Variants in SHOC1 observed in about 807,000 individuals in gnomAD.
SHOC1 encodes the protein shortage in chiasmata 1.
In SHOC1, 136 loss-of-function variants were observed where a neutral mutation model predicts 179.2. The ratio of observed to expected loss-of-function variants is 0.76; its 90% CI spans 0.66 to 0.87. SHOC1 has a LOEUF of 0.87. Ranked by LOEUF, SHOC1 falls within the 40% of genes least tolerant of loss-of-function variation. SHOC1 has a pLI of 0.00. For missense variants in SHOC1, 1,538 were observed against 1,700.8 expected, an observed-to-expected ratio of 0.90 and a Z score of 1.68; for synonymous variants, 489 against 586.6, an observed-to-expected ratio of 0.83 and a Z score of 2.41.
At chr9:111,776,701 G>A (rs1412877278) in intron 4 of SHOC1, among the ~76,000 whole-genome samples, 1 of 152,206 alleles carries the variant, frequency 6.6e-6, no homozygotes, top group African/African-American at 2.4e-5. Context: ...TTAGGCCACA[G>A]CTTGGAATTG....
rs372181914 is a variant in SHOC1 at position 111,759,833 on chromosome 9, TC to T, written c.443-986del. Among the ~76,000 whole-genome samples, 864 of 152,268 alleles carry T rather than the reference TC, an allele frequency of 5.7e-3. 12 individuals carry two copies. Among genetic ancestry groups the T allele is most frequent in the African/African-American group, 0.019 (798 of 41,560 alleles). ...TTGGTATGCAGGCAGCAAGGGAACA[TC>T]CCTTTGCTTGGTGCTAACTTGATAT... On this transcript the variant is annotated intron_variant, in intron 5 of 27. Transcript: ENST00000682961.
At chr9:111,710,435 T>A (rs1235623498) in intron 18 of SHOC1, among the ~76,000 whole-genome samples, 1 of 152,194 alleles carries the variant, frequency 6.6e-6, no homozygotes, top group Non-Finnish European at 1.5e-5. Flanking sequence ...ATATTTCGGT[T>A]CAGTCTTTTT....
At chr9:111,748,657 C>T (rs1446942547) in intron 8 of SHOC1, among the ~76,000 whole-genome samples, 1 of 152,048 alleles carries the variant, frequency 6.6e-6, no homozygotes, top group East Asian at 1.9e-4. Flanking sequence ...TCCCTCCCTC[C>T]CTCTCTTCCT....
chr9:111,713,551 T>A (rs1255753022), intron 17 of SHOC1, among the ~76,000 whole-genome samples: 1 of 152,038 alleles, frequency 6.6e-6, no homozygotes, highest in African/African-American at 2.4e-5. Context: ...GGGGGAGAGG[T>A]GGGAGAGCAA....
intron 3 of SHOC1, among the ~76,000 whole-genome samples, chr9:111,781,750 A>AAATTAATAAATAAATTAATTAATT: frequency 6.6e-6 from 1 of 151,006 alleles, no homozygotes; most frequent in African/African-American, 2.4e-5. Context: ...ATAAATAAAT[A>AAATTAATAAATAAATTAATTAATT]AATTTGTATG....
At chr9:111,759,985 T>C (rs1437267450) in intron 5 of SHOC1, among the ~76,000 whole-genome samples, 1 of 152,220 alleles carries the variant, frequency 6.6e-6, no homozygotes, top group Non-Finnish European at 1.5e-5. Context: ...ATCAATTCCA[T>C]GTCTAAGGAG....
At chr9:111,773,217 C>A (rs560830123) in intron 5 of SHOC1, among the ~76,000 whole-genome samples, 1 of 152,144 alleles carries the variant, frequency 6.6e-6, no homozygotes, top group African/African-American at 2.4e-5. Flanking sequence ...CATTTTAAAA[C>A]GATAAGTCAG....
chr9:111,758,912 GA>G, intron 5 of SHOC1, 64 bp from the exon 6 acceptor site: 1 of 1,004,388 alleles, frequency 1.0e-6, no homozygotes, highest in Non-Finnish European at 1.4e-6. Context: ...AAGAGATCTA[GA>G]TAGTTAATGT....
intron 10 of SHOC1, among the ~76,000 whole-genome samples, chr9:111,744,239 A>G (rs1192451823): frequency 6.6e-6 from 1 of 152,230 alleles, no homozygotes; most frequent in African/African-American, 2.4e-5. Flanking sequence ...GGCACTAACA[A>G]AAACAGTATA....
rs754294755 is a variant in SHOC1, at chr9:111,727,857, A to C, written c.1610T>G (p.Val537Gly). Reference protein sequence around the residue: ...EEKPKNDQEPVNRIIQKKENN... With the variant: ...EEKPKNDQEPGNRIIQKKENN... ...TTCTTTCTTTTGGATTATTCTGTTT[A>C]CTGGTTCTTGGTCATTCTTTGGTTT... The change falls in exon 13 of 28, where the codon GTA becomes GGA. Residue 537 changes from valine to glycine, a missense_variant. Physicochemically the swap from Val to Gly is moderately radical, Grantham distance 109. Transcript: ENST00000682961. The C allele has an allele frequency of 8.1e-6, 13 of 1,612,624 alleles. No individual in the cohort carries two copies. Among genetic ancestry groups the C allele is most frequent in the Non-Finnish European group, 1.1e-5 (13 of 1,179,528 alleles).
At chr9:111,714,750 T>C in intron 16 of SHOC1, 127 bp from the exon 17 acceptor site, 1 of 849,762 alleles carries the variant, frequency 1.2e-6, no homozygotes, top group Non-Finnish European at 1.8e-6. Flanking sequence ...TGTTTTCTGA[T>C]TTTGATCAAA....
At chr9:111,739,794 G>A (rs979524576) in intron 11 of SHOC1, among the ~76,000 whole-genome samples, 3 of 152,044 alleles carry the variant, frequency 2.0e-5, no homozygotes, top group African/African-American at 4.8e-5. Context: ...TGTTTCTGCT[G>A]TATCTCACTG....
chr9:111,777,440 C>CA (rs147162340), intron 4 of SHOC1, among the ~76,000 whole-genome samples: 28,619 of 152,122 alleles, frequency 0.19, 2,880 homozygotes, highest in Non-Finnish European at 0.22. Context: ...AGCCTACACC[C>CA]AGGAATGAAC....
chr9:111,704,577 G>C (rs2131351931), intron 21 of SHOC1, among the ~76,000 whole-genome samples: 1 of 152,214 alleles, frequency 6.6e-6, no homozygotes, highest in Non-Finnish European at 1.5e-5. Flanking sequence ...AGTTTCCTAT[G>C]AATGCTCCAC....
chr9:111,698,754 A>G (rs1236635017), intron 24 of SHOC1, among the ~76,000 whole-genome samples: 1 of 152,142 alleles, frequency 6.6e-6, no homozygotes, highest in African/African-American at 2.4e-5. Flanking sequence ...GGCCAGAATG[A>G]CATGTTTGTG....
chr9:111,787,579 G>A (rs1836305781), intron 2 of SHOC1, among the ~76,000 whole-genome samples: 1 of 152,332 alleles, frequency 6.6e-6, no homozygotes, highest in African/African-American at 2.4e-5. Flanking sequence ...TTGAACAGAT[G>A]AGGAGCTGCT....
intron 7 of SHOC1, among the ~76,000 whole-genome samples, chr9:111,757,690 C>T (rs1412045215): frequency 6.6e-6 from 1 of 152,192 alleles, no homozygotes; most frequent in Non-Finnish European, 1.5e-5. Context: ...AGCTCAAGTA[C>T]TATTTTTTGT....
chr9:111,785,056 T>G (rs1836214436), intron 3 of SHOC1, among the ~76,000 whole-genome samples: 1 of 152,196 alleles, frequency 6.6e-6, no homozygotes, highest in Non-Finnish European at 1.5e-5. Flanking sequence ...CAGTCCCTTT[T>G]TCATTACCCA....
intron 27 of SHOC1, among the ~76,000 whole-genome samples, chr9:111,688,633 A>G (rs528388094): frequency 1.6e-4 from 25 of 152,240 alleles, no homozygotes; most frequent in African/African-American, 6.0e-4. Flanking sequence ...AGAAATAACA[A>G]AAGTTCAAAA....
Sources: allele counts gnomAD v4.1 joint callset (sites outside exome capture counted in the v4.1 genomes callset), GRCh38; gene constraint gnomAD v4.1.1; transcripts MANE v1.5; gene names NCBI Gene and HGNC (gene_info 2026-07-23, HGNC 2026-07-21).